XKR5: variants seen among roughly 807,000 people sequenced by gnomAD.
The protein encoded by XKR5 is XK-related protein 5.
Under a neutral mutation model 40.8 loss-of-function variants are expected in XKR5, and 46 were observed. The observed-to-expected ratio is 1.13, with a 90% confidence interval of 0.89 to 1.44. The LOEUF is 1.44. Ranked by LOEUF, XKR5 falls within the 40% of genes most tolerant of loss-of-function variation. The probability of loss-of-function intolerance (pLI) is 0.00; values close to 1 mark genes in which losing one functional copy is unlikely to be tolerated. For missense variants in XKR5, 1,169 were observed against 844.7 expected (o/e 1.38, Z -4.76); for synonymous variants, 466 against 356.1 (o/e 1.31, Z -3.48).
intron 2 of XKR5, among the ~76,000 whole-genome samples, chr8:6,832,430 C>T (rs914882121): frequency 6.6e-6 from 1 of 152,158 alleles, no homozygotes; most frequent in African/African-American, 2.4e-5. Context: ...ACGGCTCAAC[C>T]AACAAATCAA....
At chr8:6,835,295 C>A in intron 1 of XKR5, 141 bp downstream of exon 1, 1 of 831,368 alleles carries the variant, frequency 1.2e-6, no homozygotes, top group Non-Finnish European at 1.7e-6. Context: ...GGGATGGCCA[C>A]CACCGTGCGT....
chr8:6,826,585 A>C (rs953522458), intron 2 of XKR5, among the ~76,000 whole-genome samples: 1 of 152,164 alleles, frequency 6.6e-6, no homozygotes, highest in Non-Finnish European at 1.5e-5. Context: ...TACCGACGGA[A>C]ATAAGCCAGG....
chr8:6,826,349 A>T (rs934845609), intron 2 of XKR5, among the ~76,000 whole-genome samples: 1 of 151,998 alleles, frequency 6.6e-6, no homozygotes, highest in Non-Finnish European at 1.5e-5. Flanking sequence ...GTGTGCACGC[A>T]TGTAGTGTGG....
chr8:6,815,663 C>G, intron 6 of XKR5, 144 bp downstream of exon 6: 1 of 610,110 alleles, frequency 1.6e-6, no homozygotes. Flanking sequence ...GGGCATGGCT[C>G]TGCCCCCCAC....
At chr8:6,829,531 T>C (rs1324265886) in intron 2 of XKR5, among the ~76,000 whole-genome samples, 1 of 152,210 alleles carries the variant, frequency 6.6e-6, no homozygotes, top group African/African-American at 2.4e-5. Flanking sequence ...TATTTATTTA[T>C]TTGAGATTGA....
At chr8:6,828,554 G>A (rs957122882) in intron 2 of XKR5, among the ~76,000 whole-genome samples, 2 of 152,204 alleles carry the variant, frequency 1.3e-5, no homozygotes, top group African/African-American at 4.8e-5. Flanking sequence ...CACTAGGGAA[G>A]CCGGGGAGGA....
chr8:6,820,547 A>G (rs1293430345), intron 5 of XKR5, among the ~76,000 whole-genome samples: 4 of 151,942 alleles, frequency 2.6e-5, no homozygotes, highest in Middle Eastern at 3.2e-3. Flanking sequence ...CCACCTATGA[A>G]TAAGCCACTT....
intron 6 of XKR5, among the ~76,000 whole-genome samples, chr8:6,814,331 G>A (rs1275819511): frequency 1.3e-5 from 2 of 152,186 alleles, no homozygotes; most frequent in African/African-American, 4.8e-5. Flanking sequence ...GGAGCAACCC[G>A]GGAGGCTCTC....
At chr8:6,815,502 G>A (rs1241363389) in intron 6 of XKR5, among the ~76,000 whole-genome samples, 2 of 152,134 alleles carry the variant, frequency 1.3e-5, no homozygotes, top group South Asian at 2.1e-4. Context: ...CTAGGTGGGA[G>A]GGGAGAGAGA....
At chr8:6,819,286 G>C (rs556731707) in intron 5 of XKR5, among the ~76,000 whole-genome samples, 2 of 152,182 alleles carry the variant, frequency 1.3e-5, no homozygotes, top group Non-Finnish European at 1.5e-5. Flanking sequence ...CTGGGGCTGC[G>C]TGGGTCCCGG....
rs774423167 is a variant in XKR5, at chr8:6,823,594, G to T, written c.564C>A (p.Gly188=). 1 of 1,596,638 alleles carries T rather than the reference G, an allele frequency of 6.3e-7. No homozygotes were observed. The highest frequency in any genetic ancestry group is 8.5e-7 in the Non-Finnish European group (1 of 1,171,644). Residue 188 remains glycine (G), a synonymous_variant, in exon 4 of 7, where the codon GGC becomes GGA. Coordinates refer to ENST00000618742, the MANE Select transcript of XKR5 (RefSeq NM_207411.5). ...GACTCAGCACGCGGGTTCCCAACATGCCCATCCTCCAGAGCTGCTGGCAGA... is the reference window on the plus strand; with the variant it reads ...GACTCAGCACGCGGGTTCCCAACATTCCCATCCTCCAGAGCTGCTGGCAGA... ...ALFCQQLWRM[G]MLGTRVLSLV...
At position 6,811,798 on chromosome 8, in the gene XKR5, G is replaced by GT; in HGVS notation, c.1460dup (p.Tyr487Ter). 6.5e-7 allele frequency: 1 copy of GT among 1,537,674 alleles called. No homozygotes were observed. Among genetic ancestry groups the GT allele is most frequent in the Non-Finnish European group, 8.7e-7 (1 of 1,147,016 alleles). The change falls in exon 7 of 7, where the codon TAC (tyrosine) becomes TAAC (stop). Residue 487 changes from tyrosine to a stop codon, truncating the protein, a stop_gained and frameshift_variant. Coordinates refer to ENST00000618742, the MANE Select transcript of XKR5 (RefSeq NM_207411.5). LOFTEE classifies it low-confidence loss of function (END_TRUNC). ...AEADPLETSS[Y>*]VSFASDQQDE... The stretch of plus-strand genomic sequence containing the variant: ...CCTGCTGATCGCTGGCAAAAGATAC[G>GT]TAACTTGAGGTTTCCAATGGGTCGG...
Position 6,812,320 on chromosome 8 carries a change from A to G in XKR5, c.939T>C (p.Ile313=). ...ATTTTGGATGCAGCAGGCTGTAATAAATTACCAGTGAGACACTGCCTGAAA... is the reference window on the plus strand; with the variant it reads ...ATTTTGGATGCAGCAGGCTGTAATAGATTACCAGTGAGACACTGCCTGAAA... The part of the protein sequence containing the change: ...GFLIGSVSLV[I]YYSLLHPKST... Residue 313 remains isoleucine, a synonymous_variant, in exon 7 of 7, where the codon ATT becomes ATC. Coordinates refer to ENST00000618742, the MANE Select transcript of XKR5 (RefSeq NM_207411.5). 1.3e-6 allele frequency: 2 copies of G among 1,549,912 alleles called. No homozygotes were observed. Among genetic ancestry groups the G allele is most frequent in the Non-Finnish European group, 1.7e-6 (2 of 1,146,136 alleles).
intron 4 of XKR5, among the ~76,000 whole-genome samples, chr8:6,822,811 G>T (rs1043148946): frequency 4.6e-5 from 7 of 152,212 alleles, no homozygotes; most frequent in Admixed American, 1.3e-4. Flanking sequence ...GACTGAGGGA[G>T]GAGGGAGGGC....
At chr8:6,831,409 G>C (rs1360079267) in intron 2 of XKR5, among the ~76,000 whole-genome samples, 1 of 152,176 alleles carries the variant, frequency 6.6e-6, no homozygotes, top group Non-Finnish European at 1.5e-5. Flanking sequence ...GTCCAACTCT[G>C]AGGGTCCAGT....
At chr8:6,812,380 A>T (rs1563346390) in intron 6 of XKR5, 41 bp from the exon 7 acceptor site, 1 of 1,491,456 alleles carries the variant, frequency 6.7e-7, no homozygotes, top group Non-Finnish European at 8.9e-7. Context: ...TGTTCTTTGA[A>T]GTCTGCATCC....
intron 4 of XKR5, among the ~76,000 whole-genome samples, chr8:6,822,273 A>G (rs1655223713): frequency 6.6e-6 from 1 of 152,242 alleles, no homozygotes; most frequent in Non-Finnish European, 1.5e-5. Context: ...TGAATATGAC[A>G]CAAGAAAGAG....
At chr8:6,828,194 TG>T (rs1232877875) in intron 2 of XKR5, among the ~76,000 whole-genome samples, 1 of 151,870 alleles carries the variant, frequency 6.6e-6, no homozygotes, top group Non-Finnish European at 1.5e-5. Context: ...TCAACATGAG[TG>T]GCTTGGGTAG....
Position 6,811,755 on chromosome 8 carries a change from T to C in XKR5, c.1504A>G (p.Asn502Asp). Residue 502 changes from asparagine (N) to aspartate (D), a missense_variant, in exon 7 of 7, where the codon AAC becomes GAC. Transcript: ENST00000618742. ...SDQQDEAPTQ[N>D]PAATQGEGTP... The stretch of plus-strand genomic sequence containing the variant: ...CCCTCCCCCTGCGTGGCTGCTGGGT[T>C]CTGGGTAGGTGCTTCATCCTGCTGA... The C allele has an allele frequency of 6.5e-7, 1 of 1,537,534 alleles. No individual in the cohort carries two copies. The highest frequency in any genetic ancestry group is 8.7e-7 in the Non-Finnish European group (1 of 1,146,992).
Sources: gnomAD v4.1 joint callset for allele counts (sites outside exome capture counted in the v4.1 genomes callset) on GRCh38, gnomAD v4.1.1 for gene constraint, MANE v1.5 for transcripts, NCBI Gene and HGNC (gene_info 2026-07-23, HGNC 2026-07-21) for gene names.